Variants in ANO6 observed in about 807,000 individuals in gnomAD.
The protein encoded by ANO6 is anoctamin 6.
In ANO6, 106 loss-of-function variants were observed where a neutral mutation model predicts 117.5. That is an observed-to-expected ratio of 0.90 (90% CI 0.77 to 1.06). The LOEUF (loss-of-function observed/expected upper bound fraction) is 1.06, where lower values mean the gene tolerates loss of function less well. Ranked by LOEUF, ANO6 falls within the 50% of genes least tolerant of loss-of-function variation. The probability of loss-of-function intolerance (pLI) is 0.00; values close to 1 mark genes in which losing one functional copy is unlikely to be tolerated. For missense variants in ANO6, 955 were observed against 1,121.1 expected, an observed-to-expected ratio of 0.85 and a Z score of 2.12; for synonymous variants, 367 against 385.1, an observed-to-expected ratio of 0.95 and a Z score of 0.55.
intron 16 of ANO6, among the ~76,000 whole-genome samples, chr12:45,410,236 G>A (rs1396208072): frequency 6.6e-6 from 1 of 152,194 alleles, no homozygotes; most frequent in African/African-American, 2.4e-5. Flanking sequence ...TGGCAGGAAT[G>A]GTCCCGGGAT....
At chr12:45,421,015 G>A (rs541426338) in intron 17 of ANO6, 56 bp from the exon 18 acceptor site, 225 of 1,585,692 alleles carry the variant, frequency 1.4e-4, no homozygotes, top group Middle Eastern at 2.2e-4. Flanking sequence ...GCGAGACTCC[G>A]TCTCAAAAAC....
chr12:45,302,063 A>G lies in ANO6; in HGVS notation c.120A>G (p.Glu40=). The change falls in exon 2 of 20, where the codon GAA becomes GAG. Residue 40 remains glutamate, a synonymous_variant. Coordinates refer to ENST00000320560, the MANE Select transcript of ANO6 (RefSeq NM_001025356.3). ...QTIVPDLGSL[E]SQHDFRTPEF... is the part of the protein sequence containing the mutation. ...TTGTCCCCGATTTGGGATCACTGGA[A>G]AGTCAGCATGATTTTCGAACCCCGG... is the stretch of plus-strand genomic sequence containing the variant. 6.2e-7 allele frequency: 1 copy of G among 1,614,016 alleles called. No individual in the cohort carries two copies. The highest frequency in any genetic ancestry group is 1.1e-5 in the South Asian group (1 of 91,090).
intron 1 of ANO6, among the ~76,000 whole-genome samples, chr12:45,296,337 A>G (rs554489997): frequency 6.6e-6 from 1 of 152,166 alleles, no homozygotes; most frequent in Non-Finnish European, 1.5e-5. Flanking sequence ...ACTAGATCAT[A>G]GAATTCCTGA....
At chr12:45,225,091 G>A (rs534028634) in intron 1 of ANO6, among the ~76,000 whole-genome samples, 2 of 151,790 alleles carry the variant, frequency 1.3e-5, no homozygotes, top group African/African-American at 2.4e-5. Flanking sequence ...TGGAGGCTGA[G>A]GTGGAAGATT....
intron 1 of ANO6, among the ~76,000 whole-genome samples, chr12:45,253,212 A>G (rs182170092): frequency 6.6e-6 from 1 of 152,350 alleles, no homozygotes; most frequent in Admixed American, 6.5e-5. Flanking sequence ...TTGCATAAGT[A>G]TTACATTGTC....
downstream of ANO6, chr12:45,432,393 G>T: frequency 1.5e-6 from 1 of 668,580 alleles, no homozygotes; most frequent in Non-Finnish European, 1.8e-6. Context: ...TTAAGGAAGA[G>T]AACATATATC....
chr12:45,388,156 G>A lies in ANO6; in HGVS notation c.1166-5G>A. ...TCCACACAAGCTCTTCTGTCTCTCT[G>A]TTAGTTACCTTGTTTTTGGAGTTTT... is the stretch of plus-strand genomic sequence containing the variant. On this transcript the variant is annotated splice_region_variant and splice_polypyrimidine_tract_variant and intron_variant, in intron 10 of 19. Coordinates refer to ENST00000320560, the MANE Select transcript of ANO6 (RefSeq NM_001025356.3). 6.2e-7 allele frequency: 1 copy of A among 1,613,784 alleles called. No homozygotes were observed. Among genetic ancestry groups the A allele is most frequent in the Non-Finnish European group, 8.5e-7 (1 of 1,179,782 alleles).
chr12:45,290,777 GA>G (rs1376666662), intron 1 of ANO6, among the ~76,000 whole-genome samples: 1 of 152,132 alleles, frequency 6.6e-6, no homozygotes, highest in Non-Finnish European at 1.5e-5. Context: ...AAAAGTTGCA[GA>G]AATGAAAAAG....
At chr12:45,319,392 G>T (rs1940174479) in intron 2 of ANO6, among the ~76,000 whole-genome samples, 5 of 152,098 alleles carry the variant, frequency 3.3e-5, no homozygotes, top group Admixed American at 3.3e-4. Context: ...TTTTGTCTTT[G>T]GTTCTGTTTA....
intron 1 of ANO6, among the ~76,000 whole-genome samples, chr12:45,295,149 T>C (rs1210081443): frequency 6.6e-6 from 1 of 152,232 alleles, no homozygotes; most frequent in Non-Finnish European, 1.5e-5. Flanking sequence ...GCCATCATGC[T>C]CTTGAAAGCT....
Position 45,367,677 on chromosome 12 carries a change from T to C in ANO6, c.999-11T>C, listed in dbSNP as rs1287157161. 1.2e-6 allele frequency: 2 copies of C among 1,606,844 alleles called. No individual in the cohort carries two copies. The highest frequency in any genetic ancestry group is 1.7e-6 in the Non-Finnish European group (2 of 1,174,618). ...ATTTTTTAAAATTAAGTTTTATTTC[T>C]CTCTTTTTAGCAAAGAAGTTTGTCA... On this transcript the variant is annotated splice_polypyrimidine_tract_variant and intron_variant, in intron 8 of 19. Transcript: ENST00000320560.
chr12:45,271,399 ATTAT>A (rs1315998500), intron 1 of ANO6, among the ~76,000 whole-genome samples: 1 of 152,226 alleles, frequency 6.6e-6, no homozygotes, highest in Non-Finnish European at 1.5e-5. Context: ...TTAAGGACTG[ATTAT>A]TTGATGCAAA....
At chr12:45,344,431 G>A (rs1339428750) in intron 3 of ANO6, among the ~76,000 whole-genome samples, 2 of 152,158 alleles carry the variant, frequency 1.3e-5, no homozygotes, top group Non-Finnish European at 2.9e-5. Flanking sequence ...TGTACAGGAG[G>A]CCTCAGGAAA....
chr12:45,322,658 C>G (rs186754080), intron 2 of ANO6, among the ~76,000 whole-genome samples: 22 of 152,084 alleles, frequency 1.4e-4, no homozygotes, highest in African/African-American at 4.8e-4. Flanking sequence ...TCATTAGTAG[C>G]GGTCAAGAGC....
intron 7 of ANO6, among the ~76,000 whole-genome samples, chr12:45,352,467 C>T (rs1941302706): frequency 6.6e-6 from 1 of 151,280 alleles, no homozygotes; most frequent in Admixed American, 6.6e-5. Context: ...TGACTCATTC[C>T]TCTAATCCCA....
At chr12:45,373,184 C>T (rs1304068129) in intron 9 of ANO6, among the ~76,000 whole-genome samples, 1 of 152,172 alleles carries the variant, frequency 6.6e-6, no homozygotes, top group Non-Finnish European at 1.5e-5. Flanking sequence ...TATATGCACC[C>T]AGTACAGGAG....
chr12:45,383,452 C>A (rs770289612), intron 10 of ANO6: 7 of 152,194 alleles, frequency 4.6e-5, no homozygotes, highest in Non-Finnish European at 7.3e-5. Context: ...AATGGTGAAT[C>A]TTTTCCAGAA....
rs561413876 is a variant in ANO6 at position 45,431,761 on chromosome 12, G to A, written c.*2450G>A. 8.1e-6 allele frequency: 8 copies of A among 985,472 alleles called. No individual in the cohort carries two copies. The Admixed American group carries it at 3.7e-4, about 45-fold the overall frequency. The allele number at this position is 985,472 out of a possible 1,614,324, so 61.0% of individuals were successfully genotyped here. A position where few individuals can be genotyped will look rare whatever the true frequency, so the allele number is the denominator to read the frequency against. ...AAGTGGCTTCAGAGGCAGCAGCCCT[G>A]GGGAAATTGATGGGTGTGGCAGTGG... On this transcript the variant is annotated 3_prime_UTR_variant, in exon 20 of 20. Transcript: ENST00000320560.
At chr12:45,350,245 G>A (rs1941245205) in intron 6 of ANO6, among the ~76,000 whole-genome samples, 1 of 152,188 alleles carries the variant, frequency 6.6e-6, no homozygotes, top group South Asian at 2.1e-4. Flanking sequence ...AATTGACCCT[G>A]CTGCTAACCA....
Sources: allele counts gnomAD v4.1 joint callset (sites outside exome capture counted in the v4.1 genomes callset), GRCh38; gene constraint gnomAD v4.1.1; transcripts MANE v1.5; gene names NCBI Gene and HGNC (gene_info 2026-07-23, HGNC 2026-07-21).